The following PTPRN2 variants were observed in gnomAD, a reference collection of about 807,000 sequenced individuals.
PTPRN2 encodes receptor-type tyrosine-protein phosphatase N2.
A neutral mutation model predicts 118.8 loss-of-function variants in PTPRN2; 74 were observed. The observed-to-expected ratio is 0.62, with a 90% CI of 0.52 to 0.76. PTPRN2 has a LOEUF of 0.76. Among genes scored for constraint, PTPRN2 ranks in the 30% least tolerant of loss-of-function variants. PTPRN2 has a pLI of 0.00. For synonymous variants in PTPRN2, 641 were observed against 608.0 expected, an observed-to-expected ratio of 1.05 and a Z score of -0.80; for missense variants, 1,481 against 1,394.4, an observed-to-expected ratio of 1.06 and a Z score of -0.99.
At chr7:158,341,286 A>G (rs1216747793) in intron 2 of PTPRN2, among the ~76,000 whole-genome samples, 1 of 151,554 alleles carries the variant, frequency 6.6e-6, no homozygotes, top group African/African-American at 2.4e-5. Context: ...TCTCACCATA[A>G]GAGCCGACGC....
chr7:158,367,486 C>A (rs997274617), intron 2 of PTPRN2, among the ~76,000 whole-genome samples: 6 of 152,176 alleles, frequency 3.9e-5, no homozygotes, highest in African/African-American at 1.4e-4. Context: ...GATGGAGGCA[C>A]CAACTGGGAG....
chr7:158,481,433 C>T (rs139286434), intron 2 of PTPRN2, among the ~76,000 whole-genome samples: 116 of 152,278 alleles, frequency 7.6e-4, no homozygotes, highest in African/African-American at 2.6e-3. Flanking sequence ...ATTCTGCAGC[C>T]CAGGGATCAA....
chr7:158,339,393 G>A (rs1806243694), intron 2 of PTPRN2, among the ~76,000 whole-genome samples: 1 of 11,532 alleles, frequency 8.7e-5, no homozygotes, highest in Non-Finnish European at 1.8e-4. Context: ...GCTGATGCCT[G>A]CAGACGTCAC....
At position 158,133,856 on chromosome 7, in the gene PTPRN2, C is replaced by T. The variant is rs757206635; in HGVS notation, c.1377G>A (p.Gln459=). The T allele has an allele frequency of 6.2e-7, 1 of 1,613,876 alleles. No individual in the cohort carries two copies. The highest frequency in any genetic ancestry group is 1.1e-5 in the South Asian group (1 of 91,084). The part of the protein sequence containing the change: ...SQTYSKDLLG[Q]QPHSEPGAAA... ...CGGCCCCGGGCTCCGAATGCGGCTG[C>T]TGCCCCAGCAGATCTTTGGAATACG... is the stretch of plus-strand genomic sequence containing the variant. Residue 459 remains glutamine (Q), a synonymous_variant, in exon 9 of 23, where the codon CAG becomes CAA. Transcript: ENST00000389418.
rs950067238 is a variant in PTPRN2, at chr7:157,690,830, G to T, written c.1789-7893C>A. ...CCCGCAGGCGCCGGAGCTCTGCGCGGCCGCTCGGCCCAGCTCCGCGTGCTC... is the reference window on the plus strand; with the variant it reads ...CCCGCAGGCGCCGGAGCTCTGCGCGTCCGCTCGGCCCAGCTCCGCGTGCTC... On this transcript the variant is annotated intron_variant, in intron 12 of 22. Transcript: ENST00000389418. The surrounding 1 kb of genome is among the most constrained non-coding windows in gnomAD (Gnocchi z 7.1). Among the ~76,000 whole-genome samples, 1 of 148,298 alleles carries T rather than the reference G, an allele frequency of 6.7e-6. No homozygotes were observed. The highest frequency in any genetic ancestry group is 1.5e-5 in the Non-Finnish European group (1 of 66,744).
intron 4 of PTPRN2, among the ~76,000 whole-genome samples, chr7:158,196,431 G>A (rs896724906): frequency 1.3e-5 from 2 of 152,158 alleles, no homozygotes; most frequent in African/African-American, 4.8e-5. Flanking sequence ...ATGGGGGTCT[G>A]CCTCACCCAC....
At chr7:158,337,480 G>T (rs1586354367) in intron 2 of PTPRN2, among the ~76,000 whole-genome samples, 3 of 149,294 alleles carry the variant, frequency 2.0e-5, no homozygotes, top group Admixed American at 6.7e-5. Flanking sequence ...CACCATAAGA[G>T]GTGACACCTG....
At chr7:157,938,948 C>T (rs1056207262) in intron 11 of PTPRN2, among the ~76,000 whole-genome samples, 2 of 152,198 alleles carry the variant, frequency 1.3e-5, no homozygotes, top group Non-Finnish European at 2.9e-5. Context: ...GAGCAAACTT[C>T]TTGTCCATGA....
At chr7:157,556,568 C>T (rs567563344) in intron 21 of PTPRN2, among the ~76,000 whole-genome samples, 3 of 150,766 alleles carry the variant, frequency 2.0e-5, no homozygotes, top group African/African-American at 4.9e-5. Context: ...TATGTACATG[C>T]ACACACATAC....
rs1802245868 is a variant in PTPRN2 at position 157,763,102 on chromosome 7, G to C, written c.1789-80165C>G. On this transcript the variant is annotated intron_variant, in intron 12 of 22. Transcript: ENST00000389418. The surrounding 1 kb of genome is among the most constrained non-coding windows in gnomAD (Gnocchi z 4.9). ...CTCATGGTCACAGAGCTAACCATCAGAGCCCACGGCCGCCCACTCATGGTC... is the reference window on the plus strand; with the variant it reads ...CTCATGGTCACAGAGCTAACCATCACAGCCCACGGCCGCCCACTCATGGTC... 7.7e-6 allele frequency among the ~76,000 whole-genome samples: 1 copy of C among 130,580 alleles called. No individual in the cohort carries two copies. The highest frequency in any genetic ancestry group is 7.2e-5 in the Admixed American group (1 of 13,950). The allele number at this position is 130,580 out of a possible 152,430, so 85.7% of individuals were successfully genotyped here.
intron 12 of PTPRN2, among the ~76,000 whole-genome samples, chr7:157,683,145 G>A (rs1166917807): frequency 6.6e-6 from 1 of 152,236 alleles, no homozygotes; most frequent in African/African-American, 2.4e-5. Context: ...GCAGATTGCA[G>A]CGTGCTCAAG....
intron 2 of PTPRN2, among the ~76,000 whole-genome samples, chr7:158,398,219 G>A (rs1329229105): frequency 6.6e-6 from 1 of 152,222 alleles, no homozygotes; most frequent in Non-Finnish European, 1.5e-5. Context: ...TGTATCAACT[G>A]CATTTGAACA....
chr7:157,543,455 G>A (rs896858060), intron 22 of PTPRN2, among the ~76,000 whole-genome samples: 21 of 152,210 alleles, frequency 1.4e-4, no homozygotes, highest in African/African-American at 4.8e-4. Flanking sequence ...GAGTGGGAAC[G>A]CCCCTTCTCA....
At chr7:158,572,788 C>T (rs995426504) in intron 1 of PTPRN2, among the ~76,000 whole-genome samples, 1 of 152,234 alleles carries the variant, frequency 6.6e-6, no homozygotes, top group African/African-American at 2.4e-5. Context: ...AATTGCTTTA[C>T]ACTTTGTTCT....
Position 157,583,899 on chromosome 7 carries a change from CACA to C in PTPRN2, c.2497-5762_2497-5760del, listed in dbSNP as rs1800521972. Among the ~76,000 whole-genome samples the C allele has an allele frequency of 6.9e-6, 1 of 144,384 alleles. No individual in the cohort carries two copies. Among genetic ancestry groups the C allele is most frequent in the African/African-American group, 2.8e-5 (1 of 35,120 alleles). 94.7% of individuals were successfully genotyped at this position (144,384 alleles called of 152,430 possible). A position where few individuals can be genotyped will look rare whatever the true frequency, so the allele number is the denominator to read the frequency against. On this transcript the variant is annotated intron_variant, in intron 17 of 22. Coordinates refer to ENST00000389418, the MANE Select transcript of PTPRN2 (RefSeq NM_002847.5). This position sits in a 1 kb window ranked among gnomAD's most constrained non-coding sequence, Gnocchi z 5.5. The stretch of plus-strand genomic sequence containing the variant: ...TCTGTCTCAAACACACACACACACA[CACA>C]CACACACACACACACACACACACAC...
chr7:157,816,637 G>A (rs1034452603), intron 12 of PTPRN2, among the ~76,000 whole-genome samples: 5 of 152,190 alleles, frequency 3.3e-5, no homozygotes, highest in African/African-American at 7.2e-5. Flanking sequence ...TGAAGCCCCC[G>A]CAGTCTACAG....
At chr7:158,210,970 C>G (rs976577254) in intron 3 of PTPRN2, among the ~76,000 whole-genome samples, 2 of 152,102 alleles carry the variant, frequency 1.3e-5, no homozygotes, top group Admixed American at 1.3e-4. Flanking sequence ...CCAGTATTAC[C>G]CTGATACCAA....
Position 157,590,886 on chromosome 7 carries a change from C to T in PTPRN2, c.2496+4352G>A, listed in dbSNP as rs555291226. On this transcript the variant is annotated intron_variant, in intron 17 of 22. Coordinates refer to ENST00000389418, the MANE Select transcript of PTPRN2 (RefSeq NM_002847.5). The surrounding 1 kb of genome is among the most constrained non-coding windows in gnomAD (Gnocchi z 4.0). Reference sequence around the variant, plus strand: ...TCCAAACGGACTCCTGACCCATCACCATGTCATGTGGGTGCCAATTAGCTG... The same window carrying T: ...TCCAAACGGACTCCTGACCCATCACTATGTCATGTGGGTGCCAATTAGCTG... Among the ~76,000 whole-genome samples the T allele has an allele frequency of 6.6e-6, 1 of 152,318 alleles. No individual in the cohort carries two copies. Among genetic ancestry groups the T allele is most frequent in the Admixed American group, 6.5e-5 (1 of 15,298 alleles).
At chr7:157,773,895 CA>C (rs1193216509) in intron 12 of PTPRN2, among the ~76,000 whole-genome samples, 1 of 152,258 alleles carries the variant, frequency 6.6e-6, no homozygotes, top group East Asian at 1.9e-4. Flanking sequence ...CTCTACACAG[CA>C]CATCCTAAGT....
Sources: allele counts gnomAD v4.1 joint callset (sites outside exome capture counted in the v4.1 genomes callset), GRCh38; gene constraint gnomAD v4.1.1; non-coding constraint Gnocchi (gnomAD v3.1); transcripts MANE v1.5; gene names NCBI Gene and HGNC (gene_info 2026-07-23, HGNC 2026-07-21).